DNAH8: variants seen among roughly 807,000 people sequenced by gnomAD.
DNAH8 encodes axonemal beta dynein heavy chain 8.
A neutral mutation model predicts 562.1 loss-of-function variants in DNAH8; 382 were observed. The observed-to-expected ratio is 0.68, with a 90% CI of 0.63 to 0.74. The LOEUF (loss-of-function observed/expected upper bound fraction) is 0.74, where lower values mean the gene tolerates loss of function less well. Ranked by LOEUF, DNAH8 falls within the 30% of genes least tolerant of loss-of-function variation. The pLI is 0.00. For synonymous variants in DNAH8, 1,881 were observed against 1,919.4 expected (o/e 0.98, Z 0.52); for missense variants, 5,203 against 5,620.4 (o/e 0.93, Z 2.37).
At chr6:38,928,592 T>G (rs1018450499) in intron 74 of DNAH8, among the ~76,000 whole-genome samples, 2 of 152,218 alleles carry the variant, frequency 1.3e-5, no homozygotes, top group African/African-American at 4.8e-5. Flanking sequence ...GTAGGCTGAT[T>G]TAATTGTTAT....
At chr6:38,740,796 G>C (rs1764463121) in intron 7 of DNAH8, among the ~76,000 whole-genome samples, 1 of 151,994 alleles carries the variant, frequency 6.6e-6, no homozygotes, top group Non-Finnish European at 1.5e-5. Context: ...AAAAATTTCT[G>C]TGGAGAAGGG....
Position 38,822,981 on chromosome 6 carries a change from G to A in DNAH8, c.3667G>A (p.Asp1223Asn). Reference sequence around the variant, plus strand: ...AAAGGCAGCTCATGAGGCCCTGCAGGACTTTCAGAAGTACAAGACTCTCTG... The same window carrying A: ...AAAGGCAGCTCATGAGGCCCTGCAGAACTTTCAGAAGTACAAGACTCTCTG... ...LRKAAHEALQ[D>N]FQKYKTLWTE... The change falls in exon 27 of 93, where the codon GAC becomes AAC. Residue 1223 changes from aspartate (D) to asparagine (N), a missense_variant. Asp to Asn is a conservative substitution (Grantham distance 23, BLOSUM62 1). Around this residue, in one of 6 missense-constraint regions of DNAH8, gnomAD observed 2,176 missense variants for 2,365.1 expected, o/e 0.92. Coordinates refer to ENST00000327475, the MANE Select transcript of DNAH8 (RefSeq NM_001206927.2). The A allele has an allele frequency of 3.1e-6, 5 of 1,611,686 alleles. No homozygotes were observed. The highest frequency in any genetic ancestry group is 2.2e-5 in the East Asian group (1 of 44,790).
chr6:38,782,990 C>A lies in DNAH8; in HGVS notation c.2260-14C>A. Reference sequence around the variant, plus strand: ...GCAGTCTTTTAAAGTAAATCTTTTCCCTTAAAAAAACAGAAAAACTCAGAC... The same window carrying A: ...GCAGTCTTTTAAAGTAAATCTTTTCACTTAAAAAAACAGAAAAACTCAGAC... On this transcript the variant is annotated splice_polypyrimidine_tract_variant and intron_variant, in intron 16 of 92. Transcript: ENST00000327475. 6.2e-7 allele frequency: 1 copy of A among 1,605,848 alleles called. No individual in the cohort carries two copies.
chr6:38,997,036 C>G (rs965687101), intron 88 of DNAH8, among the ~76,000 whole-genome samples: 10 of 152,102 alleles, frequency 6.6e-5, no homozygotes, highest in African/African-American at 1.9e-4. Context: ...CCTCTGTTCT[C>G]TCTTCATCCT....
In DNAH8 at chr6:38,807,704, T is replaced by TA; in HGVS notation, c.3246dup (p.Phe1083IlefsTer21). 2 of 1,519,994 alleles carry TA rather than the reference T, an allele frequency of 1.3e-6. No homozygotes were observed. The highest frequency in any genetic ancestry group is 1.8e-6 in the Non-Finnish European group (2 of 1,135,846). 94.2% of individuals were successfully genotyped at this position (1,519,994 alleles called of 1,614,324 possible). A position where few individuals can be genotyped will look rare whatever the true frequency, so the allele number is the denominator to read the frequency against. On this transcript the variant is annotated frameshift_variant, in exon 24 of 93. Transcript: ENST00000327475. LOFTEE classifies it high-confidence loss of function. ...TCTCTGGACACAATGAAAAGAAGAA[T>TA]ATTTGTTGCAAGGCAAGTTGAAAAT...
At position 38,837,950 on chromosome 6, in the gene DNAH8, C is replaced by T. The variant is rs201114881; in HGVS notation, c.4374C>T (p.Phe1458=). ...SNRLQIFQAS[F]DDLWRKFVTY... is the part of the protein sequence containing the mutation. Reference sequence around the variant, plus strand: ...AAAAACCTTTGTTACAGGCCAGTTTCGATGATCTGTGGAGGAAATTTGTTA... The same window carrying T: ...AAAAACCTTTGTTACAGGCCAGTTTTGATGATCTGTGGAGGAAATTTGTTA... Residue 1458 remains phenylalanine (F), a synonymous_variant, in exon 33 of 93, where the codon TTC becomes TTT. Transcript: ENST00000327475. 2.5e-5 allele frequency: 41 copies of T among 1,610,638 alleles called. No individual in the cohort carries two copies. The East Asian group carries it at 4.2e-4, about 17-fold the overall frequency.
At chr6:38,879,958 G>T (rs541795185) in intron 53 of DNAH8, among the ~76,000 whole-genome samples, 1 of 152,172 alleles carries the variant, frequency 6.6e-6, no homozygotes, top group African/African-American at 2.4e-5. Flanking sequence ...CGCAAGGCTG[G>T]GTGCAGGGGC....
chr6:38,753,551 A>G (rs1344858222), intron 9 of DNAH8, among the ~76,000 whole-genome samples: 1 of 152,192 alleles, frequency 6.6e-6, no homozygotes, highest in Non-Finnish European at 1.5e-5. Flanking sequence ...TGATGGGAGT[A>G]GGTGGTCATT....
rs377516348 is a variant in DNAH8, at chr6:38,973,616, C to T, written c.12526-45C>T. ...ACATTTTGTTTTATTAAAATCATAG[C>T]AAAAAGGTTACAAGAAATAAATATG... On this transcript the variant is annotated intron_variant, in intron 83 of 92. Coordinates refer to ENST00000327475, the MANE Select transcript of DNAH8 (RefSeq NM_001206927.2). The T allele has an allele frequency of 2.1e-5, 31 of 1,467,004 alleles. No homozygotes were observed. In the African/African-American group the frequency reaches 4.2e-4, roughly 20 times the overall value. 90.9% of individuals were successfully genotyped at this position (1,467,004 alleles called of 1,614,324 possible).
chr6:38,846,676 A>G (rs6458072), intron 36 of DNAH8, among the ~76,000 whole-genome samples: 43,625 of 151,928 alleles, frequency 0.29, 6,553 homozygotes, highest in East Asian at 0.41. Context: ...GATATTCAGT[A>G]CTTCCTAGAC....
At position 38,791,524 on chromosome 6, in the gene DNAH8, T is replaced by C. The variant is rs368461518; in HGVS notation, c.2782-31T>C. Reference sequence around the variant, plus strand: ...AACCTAGCTCTAAAGGAAAGAAGAGTTTTTTTTTCTTACATTTTTCTTCCT... The same window carrying C: ...AACCTAGCTCTAAAGGAAAGAAGAGCTTTTTTTTCTTACATTTTTCTTCCT... On this transcript the variant is annotated intron_variant, in intron 20 of 92. Coordinates refer to ENST00000327475, the MANE Select transcript of DNAH8 (RefSeq NM_001206927.2). 140 of 1,578,778 alleles carry C rather than the reference T, an allele frequency of 8.9e-5. No individual in the cohort carries two copies. The African/African-American group carries it at 1.6e-3, about 18-fold the overall frequency.
intron 13 of DNAH8, 147 bp from the exon 14 acceptor site, chr6:38,778,241 T>A: frequency 2.0e-6 from 1 of 499,320 alleles, no homozygotes; most frequent in Non-Finnish European, 3.6e-6. Context: ...TCCATCATAC[T>A]GGACGATGCA....
intron 10 of DNAH8, among the ~76,000 whole-genome samples, chr6:38,756,919 A>G (rs903411128): frequency 6.6e-6 from 1 of 151,384 alleles, no homozygotes; most frequent in Non-Finnish European, 1.5e-5. Flanking sequence ...CCCGTCTATC[A>G]TTGTTGGACA....
At chr6:38,847,852 C>T (rs529143455) in intron 36 of DNAH8, among the ~76,000 whole-genome samples, 1 of 152,308 alleles carries the variant, frequency 6.6e-6, no homozygotes, top group East Asian at 1.9e-4. Flanking sequence ...TATTTCTTGT[C>T]CTCCTTTGTT....
chr6:38,842,575 T>C, intron 34 of DNAH8, 70 bp downstream of exon 34: 1 of 1,578,066 alleles, frequency 6.3e-7, no homozygotes, highest in Non-Finnish European at 8.6e-7. Context: ...GAAGCTAATT[T>C]ATTCCCTAAT....
At chr6:38,790,937 A>G (rs137918165) in intron 20 of DNAH8, among the ~76,000 whole-genome samples, 4 of 152,262 alleles carry the variant, frequency 2.6e-5, no homozygotes, top group Non-Finnish European at 4.4e-5. Context: ...TGTTGAAATG[A>G]TGGTTCAACT....
chr6:38,730,784 A>G (rs1763603838), intron 4 of DNAH8, among the ~76,000 whole-genome samples: 2 of 152,176 alleles, frequency 1.3e-5, no homozygotes, highest in South Asian at 4.1e-4. Flanking sequence ...CTACTCTTCC[A>G]GATGTGAATT....
rs749531513 is a variant in DNAH8 at position 38,781,387 on chromosome 6, T to C, written c.2259+14T>C. 6 of 1,612,124 alleles carry C rather than the reference T, an allele frequency of 3.7e-6. No individual in the cohort carries two copies. The highest frequency in any genetic ancestry group is 8.5e-7 in the Non-Finnish European group (1 of 1,179,258). On this transcript the variant is annotated intron_variant, in intron 16 of 92. Transcript: ENST00000327475. ...AATTATTTCTTTGTAAGCCAAGAATTAAATTTTAATATGTGGATTTTGGTG... is the reference window on the plus strand; with the variant it reads ...AATTATTTCTTTGTAAGCCAAGAATCAAATTTTAATATGTGGATTTTGGTG...
chr6:38,765,643 A>G (rs1766914705), intron 11 of DNAH8, among the ~76,000 whole-genome samples: 1 of 152,110 alleles, frequency 6.6e-6, no homozygotes, highest in South Asian at 2.1e-4. Context: ...ATTCTGTTTC[A>G]TTGGTCTATG....
Sources: gnomAD v4.1 joint callset for allele counts (sites outside exome capture counted in the v4.1 genomes callset) on GRCh38, gnomAD v4.1.1 for gene constraint, gnomAD v4.1.1 regional missense constraint, MANE v1.5 for transcripts, NCBI Gene and HGNC (gene_info 2026-07-23, HGNC 2026-07-21) for gene names.